HEMK2: variants seen among roughly 807,000 people sequenced by gnomAD.
HEMK2 encodes the protein HemK methyltransferase 2, ETF1 glutamine and histone H4 lysine.
At chr21:28,840,383 A>C in the HEMK2 span, among the ~76,000 whole-genome samples, 2 of 152,230 alleles carry the variant, frequency 1.3e-5, no homozygotes, top group African/African-American at 4.8e-5. Context: ...ATTAAACTAA[A>C]GAGCTTTTGC....
chr21:28,877,259 G>GGGAAGGAACGAAGGAA, the HEMK2 span, among the ~76,000 whole-genome samples: 3 of 76,188 alleles, frequency 3.9e-5, no homozygotes, highest in Admixed American at 4.5e-4. Context: ...GGGAAGAGAA[G>GGGAAGGAACGAAGGAA]GGAAGGAAGG....
At chr21:28,855,371 G>C in the HEMK2 span, among the ~76,000 whole-genome samples, 1 of 152,184 alleles carries the variant, frequency 6.6e-6, no homozygotes, top group Non-Finnish European at 1.5e-5. Flanking sequence ...CAAGTTCTTA[G>C]AGACCTTCAA....
the HEMK2 span, among the ~76,000 whole-genome samples, chr21:28,665,359 C>CTTTTTTTTTTTTTTTTTTTTTT: frequency 3.4e-5 from 1 of 29,000 alleles, no homozygotes; most frequent in African/African-American, 2.0e-4. Flanking sequence ...TTTTTTTTTA[C>CTTTTTTTTTTTTTTTTTTTTTT]TTTTTAATTT....
At chr21:28,830,510 G>C in the HEMK2 span, among the ~76,000 whole-genome samples, 1 of 152,092 alleles carries the variant, frequency 6.6e-6, no homozygotes, top group Non-Finnish European at 1.5e-5. Flanking sequence ...AATTATCCAG[G>C]TCAGGTAGTT....
the HEMK2 span, among the ~76,000 whole-genome samples, chr21:28,786,848 A>G: frequency 0.45 from 67,884 of 151,998 alleles, 16,802 homozygotes; most frequent in African/African-American, 0.65. Context: ...ATTTTCAACC[A>G]TTGATAGAAG....
At chr21:28,787,647 A>C in the HEMK2 span, among the ~76,000 whole-genome samples, 1 of 152,222 alleles carries the variant, frequency 6.6e-6, no homozygotes, top group Non-Finnish European at 1.5e-5. Flanking sequence ...TCAAATCAAA[A>C]TCACAATGTG....
the HEMK2 span, among the ~76,000 whole-genome samples, chr21:28,743,566 A>T: frequency 1.3e-5 from 2 of 151,916 alleles, no homozygotes; most frequent in Non-Finnish European, 2.9e-5. Flanking sequence ...AAAGAGAGTG[A>T]AGGAAGGAGA....
the HEMK2 span, among the ~76,000 whole-genome samples, chr21:28,725,691 G>A: frequency 1.3e-5 from 2 of 152,198 alleles, no homozygotes; most frequent in South Asian, 4.1e-4. Flanking sequence ...CCGCAGTCCA[G>A]ATTCTCAATC....
At chr21:28,637,086 A>G in the HEMK2 span, among the ~76,000 whole-genome samples, 1 of 152,176 alleles carries the variant, frequency 6.6e-6, no homozygotes, top group Non-Finnish European at 1.5e-5. Flanking sequence ...TCATGTGCAA[A>G]TCTTCTGCTA....
At chr21:28,730,044 A>C in the HEMK2 span, among the ~76,000 whole-genome samples, 2 of 152,194 alleles carry the variant, frequency 1.3e-5, no homozygotes, top group Admixed American at 1.3e-4. Flanking sequence ...CTAGTTATCT[A>C]TTGCTTTGTA....
At chr21:28,600,374 C>T in the HEMK2 span, among the ~76,000 whole-genome samples, 1 of 152,252 alleles carries the variant, frequency 6.6e-6, no homozygotes, top group African/African-American at 2.4e-5. Flanking sequence ...GGGCTTGCAC[C>T]CTCTAAAGTC....
the HEMK2 span, among the ~76,000 whole-genome samples, chr21:28,852,210 TC>T: frequency 6.6e-6 from 1 of 152,202 alleles, no homozygotes; most frequent in African/African-American, 2.4e-5. Flanking sequence ...TAGAGGCAGC[TC>T]TAATGACTTC....
the HEMK2 span, among the ~76,000 whole-genome samples, chr21:28,796,578 A>G: frequency 6.6e-6 from 1 of 151,752 alleles, no homozygotes; most frequent in South Asian, 2.1e-4. Context: ...GATGAGTAAG[A>G]AAAAAAAACT....
chr21:28,696,414 T>C, the HEMK2 span, among the ~76,000 whole-genome samples: 3 of 152,122 alleles, frequency 2.0e-5, no homozygotes, highest in African/African-American at 7.2e-5. Context: ...TCCAAAATAA[T>C]CTCCTTTGAC....
At chr21:28,818,935 A>G in the HEMK2 span, among the ~76,000 whole-genome samples, 1 of 152,258 alleles carries the variant, frequency 6.6e-6, no homozygotes, top group Non-Finnish European at 1.5e-5. Context: ...TGGCTAATGT[A>G]AAAGTTGCTC....
At chr21:28,638,032 T>A in the HEMK2 span, among the ~76,000 whole-genome samples, 1 of 152,188 alleles carries the variant, frequency 6.6e-6, no homozygotes, top group Non-Finnish European at 1.5e-5. Flanking sequence ...TCTTCCACAT[T>A]TTAGTTTTAC....
At chr21:28,722,650 G>A in the HEMK2 span, among the ~76,000 whole-genome samples, 1 of 152,230 alleles carries the variant, frequency 6.6e-6, no homozygotes, top group Non-Finnish European at 1.5e-5. Flanking sequence ...GGGAAGCAGA[G>A]GCAGGCGGAT....
chr21:28,622,873 T>A, the HEMK2 span, among the ~76,000 whole-genome samples: 212 of 152,244 alleles, frequency 1.4e-3, 1 homozygote, highest in African/African-American at 4.7e-3. Context: ...CCTAAAACCC[T>A]AAAAACTCTA....
the HEMK2 span, among the ~76,000 whole-genome samples, chr21:28,711,895 T>C: frequency 1.3e-5 from 2 of 152,136 alleles, no homozygotes; most frequent in Non-Finnish European, 2.9e-5. Context: ...AGACTTCCAT[T>C]TTTTCACTTG....
Sources: allele counts gnomAD v4.1 joint callset (sites outside exome capture counted in the v4.1 genomes callset), GRCh38; gene constraint gnomAD v4.1.1; transcripts MANE v1.5; gene names NCBI Gene and HGNC (gene_info 2026-07-23, HGNC 2026-07-21).